Variants in GPAM observed in about 807,000 individuals in gnomAD.
The protein encoded by GPAM is glycerol-3-phosphate acyltransferase, mitochondrial.
In GPAM, 56 loss-of-function variants were observed where a neutral mutation model predicts 105.0. The observed-to-expected ratio is 0.53, with a 90% CI of 0.43 to 0.67. The LOEUF (loss-of-function observed/expected upper bound fraction) is 0.67. Ranked by LOEUF, GPAM falls within the 30% of genes least tolerant of loss-of-function variation. The pLI is 0.00. For synonymous variants in GPAM, 368 were observed against 354.4 expected (o/e 1.04, Z -0.43); for missense variants, 855 against 989.8 (o/e 0.86, Z 1.83).
At chr10:112,160,232 CA>C in intron 16 of GPAM, 179 bp from the exon 17 acceptor site, 1 of 402,712 alleles carries the variant, frequency 2.5e-6, no homozygotes, top group Non-Finnish European at 3.4e-6. Flanking sequence ...CCAACTGCAT[CA>C]AAAACCTTCT....
chr10:112,164,548 C>A lies in GPAM; in HGVS notation c.1284G>T (p.Leu428Phe), dbSNP rs1847179527. The change falls in exon 13 of 22, where the codon TTG (leucine) becomes TTT (phenylalanine). Residue 428 changes from leucine (L) to phenylalanine (F), a missense_variant. Physicochemically the swap from Leu to Phe is conservative, Grantham distance 22. Coordinates refer to ENST00000348367, the MANE Select transcript of GPAM (RefSeq NM_001244949.2). ...VSALLSLEQA[L>F]LPAILPSRPS... ...ACCTTGAAGGAAGTATAGCTGGTAACAACGCTTGCTCCAGGGAAAGTAGAG... is the reference window on the plus strand; with the variant it reads ...ACCTTGAAGGAAGTATAGCTGGTAAAAACGCTTGCTCCAGGGAAAGTAGAG... The A allele has an allele frequency of 1.3e-6, 2 of 1,595,872 alleles. No homozygotes were observed. Among genetic ancestry groups the A allele is most frequent in the Non-Finnish European group, 1.7e-6 (2 of 1,163,530 alleles).
Position 112,153,191 on chromosome 10 carries a change from C to T in GPAM, c.*359G>A, listed in dbSNP as rs1846950606. ...AAGTATACCATGTAAGATTCAGTTC[C>T]AGAACACAGCTACATTTCTGTGTCC... On this transcript the variant is annotated 3_prime_UTR_variant, in exon 22 of 22. Coordinates refer to ENST00000348367, the MANE Select transcript of GPAM (RefSeq NM_001244949.2). 8.9e-7 allele frequency: 1 copy of T among 1,119,074 alleles called. No homozygotes were observed. The highest frequency in any genetic ancestry group is 1.1e-6 in the Non-Finnish European group (1 of 906,824). The allele number at this position is 1,119,074 out of a possible 1,614,324, so 69.3% of individuals were successfully genotyped here. A position where few individuals can be genotyped will look rare whatever the true frequency, so the allele number is the denominator to read the frequency against.
upstream of GPAM, among the ~76,000 whole-genome samples, chr10:112,219,197 A>G (rs1847997655): frequency 6.6e-6 from 1 of 152,138 alleles, no homozygotes; most frequent in Non-Finnish European, 1.5e-5. Flanking sequence ...GTCCCAACCA[A>G]AGCCCACAGC....
chr10:112,172,811 C>T (rs1040288937), intron 8 of GPAM, among the ~76,000 whole-genome samples, 159 bp downstream of exon 8: 4 of 152,148 alleles, frequency 2.6e-5, no homozygotes, highest in Admixed American at 1.3e-4. Context: ...CTCATTTCTC[C>T]TCCCCAAATA....
At chr10:112,188,387 T>C (rs1392762516), upstream of GPAM, among the ~76,000 whole-genome samples, 1 of 152,154 alleles carries the variant, frequency 6.6e-6, no homozygotes, top group Non-Finnish European at 1.5e-5. Context: ...ATACAGCCTT[T>C]CATTACCCAA....
intron 5 of GPAM, 77 bp downstream of exon 5, chr10:112,177,907 A>G: frequency 2.6e-6 from 2 of 773,318 alleles, no homozygotes; most frequent in Admixed American, 1.9e-5. Flanking sequence ...AAAGCAATTC[A>G]GCTTAAAGTG....
chr10:112,165,863 T>C (rs1336062164), intron 12 of GPAM, among the ~76,000 whole-genome samples: 1 of 152,208 alleles, frequency 6.6e-6, no homozygotes, highest in Non-Finnish European at 1.5e-5. Flanking sequence ...TCTCAAAATT[T>C]TTTTGACTTT....
chr10:112,169,928 A>G (rs1354414159), intron 9 of GPAM, among the ~76,000 whole-genome samples: 1 of 152,208 alleles, frequency 6.6e-6, no homozygotes, highest in African/African-American at 2.4e-5. Context: ...TGAGGGATCT[A>G]GGTTGTGCAT....
At chr10:112,158,046 T>C (rs777997024) in intron 18 of GPAM, among the ~76,000 whole-genome samples, 1 of 152,328 alleles carries the variant, frequency 6.6e-6, no homozygotes, top group East Asian at 1.9e-4. Context: ...TTCTTGTGCC[T>C]CAGCCTCCCA....
At position 112,160,126 on chromosome 10, in the gene GPAM, C is replaced by A. The variant is rs1365539197; in HGVS notation, c.1760-73G>T. On this transcript the variant is annotated intron_variant, in intron 16 of 21. Transcript: ENST00000348367. The stretch of plus-strand genomic sequence containing the variant: ...GAAAAACTTCAACTGGCTTGAATAA[C>A]CTTAAGAGATTATTAATACATCAAA... 3 of 1,390,658 alleles carry A rather than the reference C, an allele frequency of 2.2e-6. No individual in the cohort carries two copies. In the African/African-American group the frequency reaches 4.2e-5, roughly 20 times the overall value. The allele number at this position is 1,390,658 out of a possible 1,614,324, so 86.1% of individuals were successfully genotyped here.
chr10:112,157,489 C>T, intron 18 of GPAM, 100 bp from the exon 19 acceptor site: 1 of 1,069,428 alleles, frequency 9.4e-7, no homozygotes, highest in Non-Finnish European at 1.4e-6. Flanking sequence ...CTGACCCTTC[C>T]TGGCTCTTCT....
upstream of GPAM, among the ~76,000 whole-genome samples, chr10:112,219,435 C>T (rs1178018680): frequency 6.6e-6 from 1 of 152,212 alleles, no homozygotes; most frequent in African/African-American, 2.4e-5. Flanking sequence ...CTAGGCACCT[C>T]ACAGCCCCTG....
At position 112,212,465 on chromosome 10, in the gene GPAM, A is replaced by G. The variant is rs138177079; in HGVS notation, n.210+2703T>C. ...TTTTCAGTAGAGACGGGATTTCACC[A>G]TGTTAGCCAGGATTGTCTCGATCTC... On this transcript the variant is annotated intron_variant and non_coding_transcript_variant, in intron 1 of 3. Transcript: ENST00000480130. Among the ~76,000 whole-genome samples, 10 of 152,184 alleles carry G rather than the reference A, an allele frequency of 6.6e-5. No individual in the cohort carries two copies. In the East Asian group the frequency reaches 1.9e-3, roughly 29 times the overall value.
intron 9 of GPAM, among the ~76,000 whole-genome samples, chr10:112,171,848 T>C (rs374330969): frequency 6.6e-6 from 1 of 152,280 alleles, no homozygotes; most frequent in Admixed American, 6.5e-5. Context: ...TGCCCCCTCC[T>C]CCACCAAACA....
rs2133221046 is a variant in GPAM at position 112,153,535 on chromosome 10, A to G, written c.*15T>C. On this transcript the variant is annotated 3_prime_UTR_variant, in exon 22 of 22. Transcript: ENST00000348367. ...CATCTCATGACCTTCATTTGCCAGC[A>G]GTGCCACACGTTACCTACAGCACCA... is the stretch of plus-strand genomic sequence containing the variant. 1 of 1,613,738 alleles carries G rather than the reference A, an allele frequency of 6.2e-7. No individual in the cohort carries two copies.
rs1277258900 is a variant in GPAM, at chr10:112,167,671, G to A, written c.1107+641C>T. 2.0e-5 allele frequency among the ~76,000 whole-genome samples: 3 copies of A among 152,192 alleles called. No homozygotes were observed. In the East Asian group the frequency reaches 5.8e-4, roughly 29 times the overall value. ...AAAATATGCAAAACTAACCCAGTCT[G>A]TAAGAAATGAAATTAATCATTACCC... On this transcript the variant is annotated intron_variant, in intron 11 of 21. Coordinates refer to ENST00000348367, the MANE Select transcript of GPAM (RefSeq NM_001244949.2).
intron 1 of GPAM, among the ~76,000 whole-genome samples, chr10:112,208,698 A>G (rs1327806737): frequency 1.3e-5 from 2 of 152,212 alleles, no homozygotes; most frequent in Non-Finnish European, 2.9e-5. Flanking sequence ...ATTACAGTGC[A>G]GTAAACCAAG....
chr10:112,156,465 C>T (rs920294795), intron 19 of GPAM: 67 of 280,232 alleles, frequency 2.4e-4, no homozygotes, highest in Non-Finnish European at 4.4e-4. Context: ...GATTATCTCA[C>T]TCCTTCTGCA....
chr10:112,220,245 A>G (rs545780347), upstream of GPAM, among the ~76,000 whole-genome samples: 5 of 150,892 alleles, frequency 3.3e-5, no homozygotes, highest in African/African-American at 1.2e-4. Flanking sequence ...AAACTATCCT[A>G]GAAAAACCCT....
Sources: allele counts gnomAD v4.1 joint callset (sites outside exome capture counted in the v4.1 genomes callset), GRCh38; gene constraint gnomAD v4.1.1; transcripts MANE v1.5; gene names NCBI Gene and HGNC (gene_info 2026-07-23, HGNC 2026-07-21).